LRRC37A2: variants seen among roughly 807,000 people sequenced by gnomAD.
The protein encoded by LRRC37A2 is leucine-rich repeat-containing protein 37A2.
In LRRC37A2, 9 loss-of-function variants were observed where a neutral mutation model predicts 68.8. The observed-to-expected ratio is 0.13, with a 90% CI of 0.08 to 0.23. LRRC37A2 has a LOEUF of 0.23. LRRC37A2 is among the 10% of genes least tolerant of loss of function. LRRC37A2 has a pLI of 1.00. For missense variants in LRRC37A2, 168 were observed against 950.4 expected, an observed-to-expected ratio of 0.18 and a Z score of 10.82; for synonymous variants, 63 against 367.6, an observed-to-expected ratio of 0.17 and a Z score of 9.48.
At chr17:46,822,194 A>T in the LRRC37A2 span, among the ~76,000 whole-genome samples, 5 of 152,194 alleles carry the variant, frequency 3.3e-5, no homozygotes, top group African/African-American at 1.2e-4. Context: ...GAGGGCGTTT[A>T]ACTTTCTCCT....
At chr17:46,490,539 A>G in the LRRC37A2 span, among the ~76,000 whole-genome samples, 12 of 150,860 alleles carry the variant, frequency 8.0e-5, 1 homozygote, top group African/African-American at 2.5e-4. Context: ...CCTGGCCAAC[A>G]TGGCGAAACC....
At chr17:46,781,665 A>G in the LRRC37A2 span, among the ~76,000 whole-genome samples, 127,911 of 152,140 alleles carry the variant, frequency 0.84, 54,079 homozygotes, top group East Asian at 1. Context: ...GGTGATGGTC[A>G]CACAGCATTG....
the LRRC37A2 span, among the ~76,000 whole-genome samples, chr17:46,781,212 C>G: frequency 7.3e-6 from 1 of 136,528 alleles, no homozygotes; most frequent in East Asian, 2.2e-4. Context: ...GGCGACAGAG[C>G]AAGACTCTGT....
chr17:46,748,169 G>A, the LRRC37A2 span, among the ~76,000 whole-genome samples: 876 of 152,164 alleles, frequency 5.8e-3, 3 homozygotes, highest in Middle Eastern at 0.017. Flanking sequence ...GTGCAATGGC[G>A]TGATCTTGGC....
chr17:47,001,357 C>T, the LRRC37A2 span, among the ~76,000 whole-genome samples: 1 of 151,772 alleles, frequency 6.6e-6, no homozygotes, highest in Non-Finnish European at 1.5e-5. Context: ...CCTGAAAAAG[C>T]GGAAGTGAGA....
At chr17:46,687,343 C>T in the LRRC37A2 span, among the ~76,000 whole-genome samples, 1 of 149,502 alleles carries the variant, frequency 6.7e-6, no homozygotes, top group African/African-American at 2.5e-5. Flanking sequence ...TATTTGGAGG[C>T]CTTTCCAAAT....
the LRRC37A2 span, chr17:46,770,135 G>A: frequency 2.8e-6 from 4 of 1,449,278 alleles, no homozygotes; most frequent in Non-Finnish European, 2.7e-6. Context: ...GGACGTGAGG[G>A]GAACGAGGCC....
At chr17:47,008,403 G>A in the LRRC37A2 span, among the ~76,000 whole-genome samples, 7 of 151,770 alleles carry the variant, frequency 4.6e-5, no homozygotes, top group African/African-American at 1.4e-4. Context: ...GAGCCACCAC[G>A]CCTGGCCCAA....
At chr17:46,875,149 C>A in the LRRC37A2 span, 1 of 1,614,008 alleles carries the variant, frequency 6.2e-7, no homozygotes, top group Non-Finnish European at 8.5e-7. Flanking sequence ...GCCGCCCTCA[C>A]CCACACCCTG....
the LRRC37A2 span, among the ~76,000 whole-genome samples, chr17:46,855,135 C>T: frequency 3.0e-4 from 45 of 152,300 alleles, no homozygotes; most frequent in Admixed American, 2.8e-3. Context: ...ACCCTGCTTC[C>T]AGTCTGGGCC....
At chr17:46,910,477 C>T in the LRRC37A2 span, among the ~76,000 whole-genome samples, 4 of 152,200 alleles carry the variant, frequency 2.6e-5, no homozygotes, top group African/African-American at 9.7e-5. Flanking sequence ...CCTCACCCCA[C>T]ATGGAAATGG....
the LRRC37A2 span, among the ~76,000 whole-genome samples, chr17:46,751,146 C>G: frequency 6.6e-6 from 1 of 152,110 alleles, no homozygotes; most frequent in Non-Finnish European, 1.5e-5. Flanking sequence ...TGTGCAGAAG[C>G]TGGGTAAGAG....
At chr17:46,501,705 ATC>A in the LRRC37A2 span, among the ~76,000 whole-genome samples, 1 of 151,234 alleles carries the variant, frequency 6.6e-6, no homozygotes, top group Non-Finnish European at 1.5e-5. Context: ...ACAGAATGAT[ATC>A]TCATTGTATG....
At chr17:46,862,654 C>T in the LRRC37A2 span, among the ~76,000 whole-genome samples, 1 of 152,164 alleles carries the variant, frequency 6.6e-6, no homozygotes. Context: ...AGGATCTTAG[C>T]TCACTACAAC....
intron 6 of LRRC37A2, among the ~76,000 whole-genome samples, chr17:46,535,100 C>G (rs887047216): frequency 6.7e-6 from 1 of 148,278 alleles, no homozygotes; most frequent in African/African-American, 2.6e-5. Context: ...TACTCTATTG[C>G]CAGTGCTGGT....
At chr17:46,923,611 A>G in the LRRC37A2 span, 2 of 1,260,610 alleles carry the variant, frequency 1.6e-6, no homozygotes. Context: ...GTAGGAGTGT[A>G]CTGTTTAATT....
the LRRC37A2 span, among the ~76,000 whole-genome samples, chr17:46,767,080 A>G: frequency 6.6e-6 from 1 of 152,134 alleles, no homozygotes; most frequent in Admixed American, 6.5e-5. Context: ...CTCAGGGGAC[A>G]GAAAAGGAAG....
At chr17:46,729,744 CTG>C in the LRRC37A2 span, among the ~76,000 whole-genome samples, 2 of 152,114 alleles carry the variant, frequency 1.3e-5, no homozygotes, top group Admixed American at 6.6e-5. Flanking sequence ...AGAAACTAAT[CTG>C]TAAGGAAAAT....
chr17:46,770,066 G>C, the LRRC37A2 span: 5 of 1,531,960 alleles, frequency 3.3e-6, no homozygotes, highest in South Asian at 6.0e-5. Context: ...GAGGTCGTGG[G>C]GAGGCAGCAC....
Sources: gnomAD v4.1 joint callset for allele counts (sites outside exome capture counted in the v4.1 genomes callset) on GRCh38, gnomAD v4.1.1 for gene constraint, MANE v1.5 for transcripts, NCBI Gene and HGNC (gene_info 2026-07-23, HGNC 2026-07-21) for gene names.